The following CDH4 variants were observed in gnomAD, a reference collection of about 807,000 sequenced individuals.
CDH4 encodes cadherin 4.
CDH4 carries 33 observed loss-of-function variants against 86.0 expected under a neutral mutation model. The observed-to-expected ratio is 0.38, with a 90% CI of 0.29 to 0.51. The LOEUF is 0.51. CDH4 is among the 20% of genes least tolerant of loss of function. The pLI, the probability that CDH4 is intolerant of heterozygous loss-of-function variation, is 0.86. For missense variants in CDH4, 1,114 were observed against 1,307.4 expected, an observed-to-expected ratio of 0.85 and a Z score of 2.28; for synonymous variants, 555 against 549.4, an observed-to-expected ratio of 1.01 and a Z score of -0.14.
intron 2 of CDH4, among the ~76,000 whole-genome samples, chr20:61,698,072 A>G (rs1256803227): frequency 6.6e-6 from 1 of 152,168 alleles, no homozygotes; most frequent in Non-Finnish European, 1.5e-5. Context: ...TCACACTGCC[A>G]CACTGCCCGA....
intron 2 of CDH4, among the ~76,000 whole-genome samples, chr20:61,456,741 G>A (rs534563989): frequency 2.0e-4 from 31 of 152,340 alleles, no homozygotes; most frequent in African/African-American, 7.2e-4. Flanking sequence ...AGCTCCGTGA[G>A]GAAGCTTCCT....
At chr20:61,310,332 C>G (rs2084438701) in intron 2 of CDH4, among the ~76,000 whole-genome samples, 1 of 152,146 alleles carries the variant, frequency 6.6e-6, no homozygotes, top group Admixed American at 6.5e-5. Context: ...AACCAGTGGT[C>G]CCCAACGTTT....
chr20:61,336,684 G>A (rs895202536), intron 2 of CDH4, among the ~76,000 whole-genome samples: 9 of 152,302 alleles, frequency 5.9e-5, no homozygotes, highest in African/African-American at 1.9e-4. Flanking sequence ...AAAAATGGGG[G>A]AGATTGTCAA....
intron 2 of CDH4, among the ~76,000 whole-genome samples, chr20:61,293,884 C>T (rs934590275): frequency 9.9e-5 from 15 of 152,212 alleles, no homozygotes; most frequent in Admixed American, 2.0e-4. Context: ...GAGAACTGTT[C>T]GGCAGTGCCG....
chr20:61,445,840 G>T (rs937383849), intron 2 of CDH4, among the ~76,000 whole-genome samples: 1 of 152,250 alleles, frequency 6.6e-6, no homozygotes, highest in Non-Finnish European at 1.5e-5. Flanking sequence ...ATTTGACATG[G>T]GGAGGGAGGG....
intron 4 of CDH4, among the ~76,000 whole-genome samples, chr20:61,808,830 C>A (rs562976439): frequency 5.0e-4 from 74 of 148,508 alleles, no homozygotes; most frequent in African/African-American, 1.7e-3. Flanking sequence ...ACTCTTGATA[C>A]CCTGATGTGT....
chr20:61,312,810 C>A (rs8126060), intron 2 of CDH4, among the ~76,000 whole-genome samples: 3,121 of 152,208 alleles, frequency 0.021, 90 homozygotes, highest in East Asian at 0.13. Flanking sequence ...GCTTGTGGGA[C>A]GGGACACCAA....
At chr20:61,619,802 A>G (rs543407441) in intron 2 of CDH4, among the ~76,000 whole-genome samples, 119 of 152,366 alleles carry the variant, frequency 7.8e-4, no homozygotes, top group African/African-American at 2.7e-3. Flanking sequence ...CCTACACAAC[A>G]GGGAAGAGGG....
chr20:61,402,610 C>T (rs1225340420), intron 2 of CDH4, among the ~76,000 whole-genome samples: 1 of 152,196 alleles, frequency 6.6e-6, no homozygotes, highest in Non-Finnish European at 1.5e-5. Context: ...AGGCCGGTCT[C>T]AAACTCTTGA....
At chr20:61,627,942 C>A (rs1264367842) in intron 2 of CDH4, among the ~76,000 whole-genome samples, 2 of 152,144 alleles carry the variant, frequency 1.3e-5, no homozygotes, top group African/African-American at 2.4e-5. Context: ...GCCTCCTGGG[C>A]CCCCTGGCCT....
At chr20:61,845,481 G>A (rs1271186492) in intron 5 of CDH4, among the ~76,000 whole-genome samples, 1 of 152,254 alleles carries the variant, frequency 6.6e-6, no homozygotes, top group Non-Finnish European at 1.5e-5. Flanking sequence ...GGGCCATGGT[G>A]AAAGCAGTGG....
chr20:61,688,881 A>G (rs2087620106), intron 2 of CDH4, among the ~76,000 whole-genome samples: 1 of 152,268 alleles, frequency 6.6e-6, no homozygotes, highest in Non-Finnish European at 1.5e-5. Context: ...TCAGCTGCTT[A>G]GAGAGAGGCA....
intron 8 of CDH4, among the ~76,000 whole-genome samples, chr20:61,904,208 A>G (rs1217625716): frequency 6.6e-6 from 1 of 152,160 alleles, no homozygotes; most frequent in Non-Finnish European, 1.5e-5. Context: ...GGGCATGAGG[A>G]TCAGCACGGC....
rs148316382 is a variant in CDH4 at position 61,853,568 on chromosome 20, G to A, written c.877+670G>A. 9.2e-5 allele frequency among the ~76,000 whole-genome samples: 14 copies of A among 152,262 alleles called. No individual in the cohort carries two copies. The East Asian group carries it at 2.7e-3, about 29-fold the overall frequency. ...GCCCTAGCTGAGCGTGTCATGTCTT[G>A]CATCTCTGCCGTCTGTGACTGCCAA... On this transcript the variant is annotated intron_variant, in intron 6 of 15. Transcript: ENST00000614565.
intron 2 of CDH4, among the ~76,000 whole-genome samples, chr20:61,321,922 G>A (rs1009573293): frequency 1.3e-5 from 2 of 151,172 alleles, no homozygotes; most frequent in Non-Finnish European, 2.9e-5. Context: ...ATATATTGTA[G>A]CATATATTAT....
rs67518472 is a variant in CDH4 at position 61,843,687 on chromosome 20, TAA to T, written c.577-962_577-961del. On this transcript the variant is annotated intron_variant, in intron 4 of 15. Transcript: ENST00000614565. ...CAGGTGACAGAATGAGACCTGTCTCTAAAAAAAAAAAAAAAAAAAATTCCTGT... is the reference window on the plus strand; with the variant it reads ...CAGGTGACAGAATGAGACCTGTCTCTAAAAAAAAAAAAAAAAAATTCCTGT... 6.2e-3 allele frequency among the ~76,000 whole-genome samples: 878 copies of T among 140,762 alleles called. 12 individuals carry two copies. The highest frequency in any genetic ancestry group is 0.023 in the African/African-American group (833 of 37,010). 92.3% of individuals were successfully genotyped at this position (140,762 alleles called of 152,430 possible). A position where few individuals can be genotyped will look rare whatever the true frequency, so the allele number is the denominator to read the frequency against.
chr20:61,895,883 C>T (rs1430072920), intron 8 of CDH4, among the ~76,000 whole-genome samples: 2 of 152,166 alleles, frequency 1.3e-5, no homozygotes, highest in Non-Finnish European at 2.9e-5. Context: ...GCAGTGCTGA[C>T]ATCATGGGCA....
chr20:61,877,079 C>T (rs1167918488), intron 7 of CDH4, among the ~76,000 whole-genome samples: 1 of 152,146 alleles, frequency 6.6e-6, no homozygotes, highest in Non-Finnish European at 1.5e-5. Flanking sequence ...ACGGGAGGGA[C>T]ACCCCCTGGC....
intron 2 of CDH4, among the ~76,000 whole-genome samples, chr20:61,600,810 TATTAC>T (rs1310483773): frequency 6.6e-6 from 1 of 152,260 alleles, no homozygotes; most frequent in Non-Finnish European, 1.5e-5. Context: ...TGTCTTTTAT[TATTAC>T]ATTGTCACTT....
Sources: gnomAD v4.1 joint callset for allele counts (sites outside exome capture counted in the v4.1 genomes callset) on GRCh38, gnomAD v4.1.1 for gene constraint, MANE v1.5 for transcripts, NCBI Gene and HGNC (gene_info 2026-07-23, HGNC 2026-07-21) for gene names.